Variants in SNTG1 observed in about 807,000 individuals in gnomAD.
The protein encoded by SNTG1 is syntrophin gamma 1.
SNTG1 carries 39 observed loss-of-function variants against 74.7 expected under a neutral mutation model. The ratio of observed to expected loss-of-function variants is 0.52; its 90% CI spans 0.40 to 0.68. SNTG1 has a LOEUF of 0.68. Ranked by LOEUF, SNTG1 falls within the 30% of genes least tolerant of loss-of-function variation. The pLI is 0.00. For missense variants in SNTG1, 685 were observed against 609.5 expected, an observed-to-expected ratio of 1.12 and a Z score of -1.30; for synonymous variants, 254 against 217.1, an observed-to-expected ratio of 1.17 and a Z score of -1.49.
chr8:50,179,555 C>T (rs189130569), intron 2 of SNTG1, among the ~76,000 whole-genome samples: 1 of 152,160 alleles, frequency 6.6e-6, no homozygotes, highest in Admixed American at 6.5e-5. Flanking sequence ...GAAATTAATA[C>T]TCAAAATACA....
chr8:50,049,102 A>G (rs1037973911), intron 1 of SNTG1, among the ~76,000 whole-genome samples: 1 of 152,074 alleles, frequency 6.6e-6, no homozygotes, highest in African/African-American at 2.4e-5. Flanking sequence ...AAACAAAAAA[A>G]AAGAAAAATG....
chr8:50,002,617 C>T (rs1275454222), intron 1 of SNTG1, among the ~76,000 whole-genome samples: 1 of 151,914 alleles, frequency 6.6e-6, no homozygotes, highest in Non-Finnish European at 1.5e-5. Flanking sequence ...GAGTTTTGCT[C>T]AGGTTTCAAT....
Position 50,771,956 on chromosome 8 carries a change from G to A in SNTG1, c.1395+19845G>A, listed in dbSNP as rs1411658427. ...AGAGCTATGGAAACAAGCCTTTATTGACTGAGATTTCAAAGGGTATATAGA... is the reference window on the plus strand; with the variant it reads ...AGAGCTATGGAAACAAGCCTTTATTAACTGAGATTTCAAAGGGTATATAGA... On this transcript the variant is annotated intron_variant, in intron 18 of 18. Transcript: ENST00000642720. Among the ~76,000 whole-genome samples, 3 of 152,068 alleles carry A rather than the reference G, an allele frequency of 2.0e-5. No homozygotes were observed. In the East Asian group the frequency reaches 5.8e-4, roughly 29 times the overall value.
intron 1 of SNTG1, among the ~76,000 whole-genome samples, chr8:50,095,791 GT>G (rs1246940787): frequency 1.3e-5 from 2 of 151,824 alleles, no homozygotes; most frequent in Admixed American, 6.6e-5. Context: ...GATTTTGTTT[GT>G]TTTTTTAGAA....
intron 17 of SNTG1, among the ~76,000 whole-genome samples, chr8:50,751,623 C>T (rs1048719765): frequency 5.9e-5 from 9 of 151,842 alleles, no homozygotes; most frequent in African/African-American, 1.9e-4. Context: ...CTTAATAAAG[C>T]GAAGGTTATT....
intron 8 of SNTG1, among the ~76,000 whole-genome samples, chr8:50,501,747 C>A: frequency 6.6e-6 from 1 of 152,020 alleles, no homozygotes; most frequent in East Asian, 1.9e-4. Context: ...CATGAGCCAC[C>A]ATGCCCAGCC....
intron 8 of SNTG1, among the ~76,000 whole-genome samples, chr8:50,483,542 A>C (rs1249688529): frequency 1.3e-5 from 2 of 152,132 alleles, no homozygotes; most frequent in Non-Finnish European, 2.9e-5. Flanking sequence ...CAATGCTGCT[A>C]ATGGTATCAG....
At chr8:50,182,160 C>A (rs1053970660) in intron 2 of SNTG1, among the ~76,000 whole-genome samples, 3 of 152,128 alleles carry the variant, frequency 2.0e-5, no homozygotes, top group African/African-American at 4.8e-5. Context: ...AGCATGAGCA[C>A]CCCAGTCTAA....
At chr8:49,942,809 G>A (rs572882630) in intron 1 of SNTG1, among the ~76,000 whole-genome samples, 8 of 152,130 alleles carry the variant, frequency 5.3e-5, no homozygotes, top group South Asian at 2.1e-4. Flanking sequence ...ACGTATCACC[G>A]TTGATGTGGA....
At chr8:50,246,240 G>A (rs777504612) in intron 2 of SNTG1, among the ~76,000 whole-genome samples, 1 of 151,660 alleles carries the variant, frequency 6.6e-6, no homozygotes, top group Non-Finnish European at 1.5e-5. Flanking sequence ...TAGGGCTATG[G>A]TAACAATGAT....
intron 13 of SNTG1, among the ~76,000 whole-genome samples, chr8:50,653,706 T>C (rs1214498009): frequency 6.6e-6 from 1 of 152,208 alleles, no homozygotes; most frequent in Non-Finnish European, 1.5e-5. Flanking sequence ...GATCACGACA[T>C]TTGCTAAAGT....
chr8:49,971,284 G>A (rs7012926), intron 1 of SNTG1, among the ~76,000 whole-genome samples: 6,560 of 152,226 alleles, frequency 0.043, 493 homozygotes, highest in African/African-American at 0.15. Flanking sequence ...TATCTCAGTA[G>A]ATGCAGAAAA....
intron 18 of SNTG1, among the ~76,000 whole-genome samples, chr8:50,787,129 A>G (rs1377455132): frequency 6.6e-6 from 1 of 150,410 alleles, no homozygotes; most frequent in Non-Finnish European, 1.5e-5. Flanking sequence ...GTTTTCAGAG[A>G]AAAAAAAAGA....
intron 10 of SNTG1, among the ~76,000 whole-genome samples, chr8:50,535,002 G>A (rs2094297343): frequency 6.6e-6 from 1 of 151,962 alleles, no homozygotes; most frequent in African/African-American, 2.4e-5. Context: ...ATTATTTCTC[G>A]AGAATATAAT....
intron 8 of SNTG1, among the ~76,000 whole-genome samples, chr8:50,470,407 A>C (rs1279946920): frequency 6.6e-6 from 1 of 152,066 alleles, no homozygotes; most frequent in Admixed American, 6.5e-5. Context: ...GTTCTTAAAG[A>C]TGGTGTGTCT....
At chr8:50,557,083 GC>G (rs1222735676) in intron 12 of SNTG1, among the ~76,000 whole-genome samples, 1 of 152,052 alleles carries the variant, frequency 6.6e-6, no homozygotes, top group Non-Finnish European at 1.5e-5. Flanking sequence ...ATAACCTTGG[GC>G]CCTTTCTGCC....
rs202075505 is a variant in SNTG1, at chr8:50,178,402, T to TGC, written c.-28+5774_-28+5775dup. On this transcript the variant is annotated intron_variant, in intron 2 of 18. Transcript: ENST00000642720. ...CTTTCTGTCTCTCTCTTCACACACG[T>TGC]GCGCGCGCACACACACACACACACA... Among the ~76,000 whole-genome samples the TGC allele has an allele frequency of 4.0e-4, 61 of 151,186 alleles. No individual in the cohort carries two copies. In the South Asian group the frequency reaches 0.012, roughly 30 times the overall value.
At chr8:50,209,266 G>A (rs1006729801) in intron 2 of SNTG1, among the ~76,000 whole-genome samples, 1 of 152,128 alleles carries the variant, frequency 6.6e-6, no homozygotes, top group Admixed American at 6.5e-5. Flanking sequence ...AAGAATGCCT[G>A]CCTGCCTCTG....
chr8:50,253,616 T>C (rs1339872519), intron 2 of SNTG1, among the ~76,000 whole-genome samples: 1 of 132,328 alleles, frequency 7.6e-6, no homozygotes, highest in Non-Finnish European at 1.6e-5. Context: ...AAAGAAAATG[T>C]GGTGTGTGTG....
Sources: gnomAD v4.1 joint callset for allele counts (sites outside exome capture counted in the v4.1 genomes callset) on GRCh38, gnomAD v4.1.1 for gene constraint, MANE v1.5 for transcripts, NCBI Gene and HGNC (gene_info 2026-07-23, HGNC 2026-07-21) for gene names.